Variants in WWOX observed in about 807,000 individuals in gnomAD.
The protein encoded by WWOX is WW domain containing oxidoreductase.
A neutral mutation model predicts 46.2 loss-of-function variants in WWOX; 69 were observed. The observed-to-expected ratio is 1.49, with a 90% CI of 1.23 to 1.82. The LOEUF (loss-of-function observed/expected upper bound fraction) is 1.82, where lower values mean the gene tolerates loss of function less well. Ranked by LOEUF, WWOX falls within the 40% of genes most tolerant of loss-of-function variation. The pLI is 0.00. For synonymous variants in WWOX, 359 were observed against 202.6 expected, an observed-to-expected ratio of 1.77 and a Z score of -6.56; for missense variants, 919 against 542.6, an observed-to-expected ratio of 1.69 and a Z score of -6.89.
At chr16:78,270,084 A>C (rs1209494200) in intron 5 of WWOX, 17 of 152,188 alleles carry the variant, frequency 1.1e-4, no homozygotes. Flanking sequence ...GTTAAGCCTC[A>C]AAATCATCAA....
chr16:78,440,332 G>C (rs2151394116), intron 8 of WWOX, among the ~76,000 whole-genome samples: 1 of 152,082 alleles, frequency 6.6e-6, no homozygotes, highest in East Asian at 1.9e-4. Flanking sequence ...CTTTCCTTAG[G>C]GTTTTGAAAC....
At chr16:78,440,050 GA>G (rs1200595960) in intron 8 of WWOX, among the ~76,000 whole-genome samples, 4 of 152,202 alleles carry the variant, frequency 2.6e-5, no homozygotes. Flanking sequence ...AAGGAGACTA[GA>G]AAAGTGCATA....
At chr16:78,489,526 C>G (rs567215883) in intron 8 of WWOX, among the ~76,000 whole-genome samples, 2 of 152,088 alleles carry the variant, frequency 1.3e-5, no homozygotes, top group Non-Finnish European at 2.9e-5. Flanking sequence ...TCATTCTCCC[C>G]TTAGCAGCTT....
At chr16:79,125,398 G>A (rs1269848539) in intron 8 of WWOX, among the ~76,000 whole-genome samples, 1 of 152,210 alleles carries the variant, frequency 6.6e-6, no homozygotes, top group Non-Finnish European at 1.5e-5. Flanking sequence ...TTTGGGATGT[G>A]CAAAATAAGC....
intron 8 of WWOX, among the ~76,000 whole-genome samples, chr16:78,650,798 C>T (rs1357182761): frequency 1.3e-5 from 2 of 152,148 alleles, no homozygotes; most frequent in Non-Finnish European, 2.9e-5. Context: ...TCTCAGCTGG[C>T]CTGCAAAGGT....
At chr16:78,669,774 C>T (rs767706365) in intron 8 of WWOX, among the ~76,000 whole-genome samples, 17 of 152,190 alleles carry the variant, frequency 1.1e-4, no homozygotes, top group Non-Finnish European at 2.2e-4. Flanking sequence ...CCATGCATCC[C>T]ACATGGCACC....
In WWOX at chr16:78,497,433, G is replaced by A. The variant is rs57272599; in HGVS notation, c.1056+64681G>A. ...CAATGAGTGTTTTTGTATATGAACC[G>A]AAAAACAGGTAGCAAAAGCAAAAAT... On this transcript the variant is annotated intron_variant, in intron 8 of 8. Transcript: ENST00000566780. 4.8e-3 allele frequency among the ~76,000 whole-genome samples: 732 copies of A among 152,168 alleles called. 6 individuals carry two copies. Among genetic ancestry groups the A allele is most frequent in the African/African-American group, 0.017 (694 of 41,512 alleles).
chr16:78,504,032 G>A (rs763797752), intron 8 of WWOX, among the ~76,000 whole-genome samples: 1 of 152,116 alleles, frequency 6.6e-6, no homozygotes, highest in Non-Finnish European at 1.5e-5. Flanking sequence ...ACATCTTAAA[G>A]ATGTCAGTCA....
At chr16:78,681,988 C>G (rs755513121) in intron 8 of WWOX, among the ~76,000 whole-genome samples, 6 of 152,146 alleles carry the variant, frequency 3.9e-5, no homozygotes, top group East Asian at 1.9e-4. Flanking sequence ...AGCTCTCAGA[C>G]CACAGTTGGA....
chr16:78,988,165 A>G (rs1481959194), intron 8 of WWOX, among the ~76,000 whole-genome samples: 2 of 151,938 alleles, frequency 1.3e-5, no homozygotes, highest in Non-Finnish European at 2.9e-5. Context: ...CAACATGGTG[A>G]AACCCCGTCT....
rs757510095 is a variant in WWOX at position 78,346,763 on chromosome 16, G to T, written c.517-40097G>T. On this transcript the variant is annotated intron_variant, in intron 5 of 8. Coordinates refer to ENST00000566780, the MANE Select transcript of WWOX (RefSeq NM_016373.4). ...TCTGTTGCCCAGTCTGGAGAGCAGT[G>T]GTGTGATCTTGGTTTACTGCAACCT... 1.7e-5 allele frequency among the ~76,000 whole-genome samples: 2 copies of T among 120,474 alleles called. 1 individual carries two copies. The highest frequency in any genetic ancestry group is 4.0e-5 in the Non-Finnish European group (2 of 50,444). 79.0% of individuals were successfully genotyped at this position (120,474 alleles called of 152,430 possible). A position where few individuals can be genotyped will look rare whatever the true frequency, so the allele number is the denominator to read the frequency against.
At chr16:78,278,566 T>G in intron 5 of WWOX, 1 of 1,586,910 alleles carries the variant, frequency 6.3e-7, no homozygotes, top group Non-Finnish European at 8.6e-7. Context: ...TCTCATAACT[T>G]AATTTTACAC....
At chr16:79,088,542 A>G (rs373582136) in intron 8 of WWOX, among the ~76,000 whole-genome samples, 3 of 152,218 alleles carry the variant, frequency 2.0e-5, no homozygotes, top group African/African-American at 7.2e-5. Flanking sequence ...AAAAATGACA[A>G]CATAAAGAAA....
chr16:78,779,580 G>T (rs1317061126), intron 8 of WWOX, among the ~76,000 whole-genome samples: 2 of 152,174 alleles, frequency 1.3e-5, no homozygotes, highest in Non-Finnish European at 2.9e-5. Flanking sequence ...ACCCTCACAA[G>T]TCTATGAATA....
At position 78,712,683 on chromosome 16, in the gene WWOX, A is replaced by C. The variant is rs373557382; in HGVS notation, c.1056+279931A>C. Among the ~76,000 whole-genome samples, 8 of 152,258 alleles carry C rather than the reference A, an allele frequency of 5.3e-5. 2 individuals are homozygous for C. Among genetic ancestry groups the C allele is most frequent in the African/African-American group, 1.9e-4 (8 of 41,546 alleles). ...AGATAGTATTAAGAGAGTAGCCTTCATTTTTTAAAGTATAATAATATTTTA... is the reference window on the plus strand; with the variant it reads ...AGATAGTATTAAGAGAGTAGCCTTCCTTTTTTAAAGTATAATAATATTTTA... On this transcript the variant is annotated intron_variant, in intron 8 of 8. Coordinates refer to ENST00000566780, the MANE Select transcript of WWOX (RefSeq NM_016373.4).
At chr16:78,723,686 G>C (rs2048755471) in intron 8 of WWOX, among the ~76,000 whole-genome samples, 1 of 119,308 alleles carries the variant, frequency 8.4e-6, no homozygotes, top group South Asian at 3.0e-4. Flanking sequence ...TGTAATGTTG[G>C]AAAGCTTTCT....
At chr16:78,473,594 T>G (rs2084283423) in intron 8 of WWOX, among the ~76,000 whole-genome samples, 1 of 146,432 alleles carries the variant, frequency 6.8e-6, no homozygotes, top group African/African-American at 2.7e-5. Context: ...CAGGGGAGAT[T>G]GTTGTCCCTC....
chr16:78,112,986 A>C (rs1184882685), intron 3 of WWOX, among the ~76,000 whole-genome samples: 2 of 152,146 alleles, frequency 1.3e-5, no homozygotes, highest in African/African-American at 4.8e-5. Flanking sequence ...TATTACAGGC[A>C]TGAGCGACCA....
At chr16:78,120,746 C>T (rs1206595298) in intron 4 of WWOX, among the ~76,000 whole-genome samples, 1 of 152,094 alleles carries the variant, frequency 6.6e-6, no homozygotes, top group Non-Finnish European at 1.5e-5. Context: ...CTCTTTGATC[C>T]TACAAATTGT....
Sources: allele counts gnomAD v4.1 joint callset (sites outside exome capture counted in the v4.1 genomes callset), GRCh38; gene constraint gnomAD v4.1.1; transcripts MANE v1.5; gene names NCBI Gene and HGNC (gene_info 2026-07-23, HGNC 2026-07-21).